Variants in MPDZ observed in about 807,000 individuals in gnomAD.
The protein encoded by MPDZ is multiple PDZ domain crumbs cell polarity complex component, also known as multiple PDZ domain protein.
Under a neutral mutation model 239.1 loss-of-function variants are expected in MPDZ, and 234 were observed. The observed-to-expected ratio is 0.98, with a 90% CI of 0.88 to 1.09. MPDZ has a LOEUF of 1.09. Ranked by LOEUF, MPDZ falls within the 50% of genes least tolerant of loss-of-function variation. The pLI, the probability that MPDZ is intolerant of heterozygous loss-of-function variation, is 0.00. For missense variants in MPDZ, 3,175 were observed against 2,510.0 expected, an observed-to-expected ratio of 1.26 and a Z score of -5.66; for synonymous variants, 1,048 against 881.3, an observed-to-expected ratio of 1.19 and a Z score of -3.35.
chr9:13,180,323 T>C (rs1953113002), intron 19 of MPDZ, among the ~76,000 whole-genome samples: 1 of 152,200 alleles, frequency 6.6e-6, no homozygotes, highest in Admixed American at 6.5e-5. Flanking sequence ...CCTATCTTGA[T>C]AAACATCAAG....
At chr9:13,248,976 CAAAAAAAAAAAAAAAAAAA>C (rs71331534) in intron 2 of MPDZ, among the ~76,000 whole-genome samples, 3 of 35,820 alleles carry the variant, frequency 8.4e-5, no homozygotes, top group Admixed American at 1.3e-3. Flanking sequence ...GACTCCATCT[CAAAAAAAAAAAAAAAAAAA>C]AAAAAAAAAA....
chr9:13,107,273 GACAAAGA>G (rs1274111755), intron 46 of MPDZ, among the ~76,000 whole-genome samples, 162 bp from the exon 47 acceptor site: 2 of 152,172 alleles, frequency 1.3e-5, no homozygotes, highest in Non-Finnish European at 2.9e-5. Flanking sequence ...GATGAACATA[GACAAAGA>G]AGGTCTTTCT....
Position 13,106,022 on chromosome 9 carries a change from C to T in MPDZ, c.*943G>A, listed in dbSNP as rs551694188. On this transcript the variant is annotated 3_prime_UTR_variant, in exon 47 of 47. Transcript: ENST00000319217. ...CTATCAATTTACTAATGGCATACAA[C>T]CAAAATAATTAGTAACACATTGTTC... is the stretch of plus-strand genomic sequence containing the variant. The T allele has an allele frequency of 6.6e-6, 1 of 152,062 alleles. No individual in the cohort carries two copies. The highest frequency in any genetic ancestry group is 1.5e-5 in the Non-Finnish European group (1 of 67,998). 9.4% of individuals were successfully genotyped at this position (152,062 alleles called of 1,614,324 possible). A position where few individuals can be genotyped will look rare whatever the true frequency, so the allele number is the denominator to read the frequency against.
Position 13,126,558 on chromosome 9 carries a change from C to T in MPDZ, c.4590G>A (p.Leu1530=). Residue 1530 remains leucine (L), a synonymous_variant, in exon 34 of 47, where the codon CTG becomes CTA. Coordinates refer to ENST00000319217, the MANE Select transcript of MPDZ (RefSeq NM_001378778.1). ...CAACAACAATTTCATCATCTACAGC[C>T]AGTATCTGATCTCCGACTTTGAGTC... ...DGRLKVGDQI[L]AVDDEIVVGY... 6.3e-7 allele frequency: 1 copy of T among 1,587,278 alleles called. No homozygotes were observed. The highest frequency in any genetic ancestry group is 8.6e-7 in the Non-Finnish European group (1 of 1,165,544).
chr9:13,192,093 A>G (rs1452060329), intron 15 of MPDZ, 38 bp downstream of exon 15: 1 of 1,479,256 alleles, frequency 6.8e-7, no homozygotes, highest in African/African-American at 1.4e-5. Context: ...CCTTTCCATT[A>G]TATATGTAGG....
chr9:13,206,238 G>A, intron 10 of MPDZ, 139 bp from the exon 11 acceptor site: 1 of 763,670 alleles, frequency 1.3e-6, no homozygotes, highest in Non-Finnish European at 2.0e-6. Context: ...GGAATTGACA[G>A]TAAGACCCTA....
intron 43 of MPDZ, among the ~76,000 whole-genome samples, chr9:13,110,958 AGAGG>A (rs1406442036): frequency 6.6e-6 from 1 of 152,208 alleles, no homozygotes; most frequent in East Asian, 1.9e-4. Flanking sequence ...TATCCAGGGG[AGAGG>A]GAGGGAGAAG....
At chr9:13,206,612 C>T (rs552950583) in intron 10 of MPDZ, among the ~76,000 whole-genome samples, 22 of 151,538 alleles carry the variant, frequency 1.5e-4, no homozygotes, top group African/African-American at 5.1e-4. Context: ...GGTGCGATCT[C>T]GGCTCATTGC....
chr9:13,241,567 G>A (rs902499564), intron 3 of MPDZ, among the ~76,000 whole-genome samples: 1 of 152,104 alleles, frequency 6.6e-6, no homozygotes, highest in Non-Finnish European at 1.5e-5. Context: ...AGAAACTATA[G>A]GGAAAGGGTC....
intron 22 of MPDZ, among the ~76,000 whole-genome samples, chr9:13,165,094 C>T (rs898353205): frequency 2.6e-5 from 4 of 152,084 alleles, no homozygotes; most frequent in African/African-American, 7.2e-5. Context: ...CAGACAGGAT[C>T]GTTCCCTTAC....
chr9:13,242,254 C>T (rs1344318990), intron 3 of MPDZ, among the ~76,000 whole-genome samples: 23 of 107,270 alleles, frequency 2.1e-4, no homozygotes, highest in African/African-American at 8.5e-4. Context: ...GAGACAGAGC[C>T]TGGCTCTGTT....
At chr9:13,232,598 A>G (rs997320862) in intron 3 of MPDZ, among the ~76,000 whole-genome samples, 1 of 151,932 alleles carries the variant, frequency 6.6e-6, no homozygotes, top group Admixed American at 6.6e-5. Context: ...TTTTAGAAGT[A>G]GCCACAGGTT....
At position 13,158,093 on chromosome 9, in the gene MPDZ, G is replaced by C. The variant is rs1950041407; in HGVS notation, c.3377C>G (p.Pro1126Arg). 2.5e-6 allele frequency: 4 copies of C among 1,612,284 alleles called. No individual in the cohort carries two copies. Among genetic ancestry groups the C allele is most frequent in the Non-Finnish European group, 3.4e-6 (4 of 1,178,976 alleles). The change falls in exon 24 of 47, where the codon CCA becomes CGA. Residue 1126 changes from proline to arginine, a missense_variant. Physicochemically the swap from Pro to Arg is moderately radical, Grantham distance 103 (BLOSUM62 -2). Transcript: ENST00000319217. ...TTCACCCTCTCCCTCTTCTCGCTCT[G>C]GTAATTCTGGAATGTCTCTGGTTAA... ...SYTGRDIPEL[P>R]EREEGEGEES... is the part of the protein sequence containing the mutation.
chr9:13,206,258 T>C (rs1273742207), intron 10 of MPDZ, among the ~76,000 whole-genome samples, 159 bp from the exon 11 acceptor site: 1 of 152,142 alleles, frequency 6.6e-6, no homozygotes, highest in Non-Finnish European at 1.5e-5. Context: ...AATATCTCTT[T>C]GGAAACCAGT....
intron 32 of MPDZ, among the ~76,000 whole-genome samples, chr9:13,132,342 C>T (rs181322987): frequency 2.0e-4 from 31 of 152,286 alleles, no homozygotes; most frequent in African/African-American, 7.5e-4. Flanking sequence ...TATAGGCAAT[C>T]ACTCAGGATG....
At chr9:13,146,432 T>A (rs913948224) in intron 26 of MPDZ, among the ~76,000 whole-genome samples, 4 of 152,074 alleles carry the variant, frequency 2.6e-5, no homozygotes, top group African/African-American at 4.8e-5. Flanking sequence ...ATATCTTAAA[T>A]TCTTAACTTT....
chr9:13,127,916 C>G (rs1311806831), intron 32 of MPDZ, among the ~76,000 whole-genome samples: 1 of 152,178 alleles, frequency 6.6e-6, no homozygotes, highest in Non-Finnish European at 1.5e-5. Context: ...TCTAGATTTT[C>G]TTATCTACAA....
At chr9:13,111,897 G>T in intron 43 of MPDZ, 127 bp downstream of exon 43, 2 of 852,264 alleles carry the variant, frequency 2.3e-6, no homozygotes, top group Non-Finnish European at 3.4e-6. Context: ...GCTGTGGTTG[G>T]ATTAGATGAT....
chr9:13,230,195 T>C (rs116758252), intron 3 of MPDZ, among the ~76,000 whole-genome samples: 2 of 152,132 alleles, frequency 1.3e-5, no homozygotes, highest in African/African-American at 2.4e-5. Flanking sequence ...TGCTCAGACA[T>C]TGCTGGTGGA....
Sources: gnomAD v4.1 joint callset for allele counts (sites outside exome capture counted in the v4.1 genomes callset) on GRCh38, gnomAD v4.1.1 for gene constraint, MANE v1.5 for transcripts, NCBI Gene and HGNC (gene_info 2026-07-23, HGNC 2026-07-21) for gene names.